SGCZ: variants seen among roughly 807,000 people sequenced by gnomAD.
SGCZ encodes the protein zeta-sarcoglycan.
A neutral mutation model predicts 41.3 loss-of-function variants in SGCZ; 40 were observed. That is an observed-to-expected ratio of 0.97 (90% CI 0.75 to 1.26). SGCZ has a LOEUF of 1.26. SGCZ is among the 50% of genes most tolerant of loss of function. SGCZ has a pLI of 0.00. For synonymous variants in SGCZ, 206 were observed against 137.5 expected (o/e 1.50, Z -3.49); for missense variants, 552 against 369.8 (o/e 1.49, Z -4.04).
chr8:14,486,334 T>C (rs1286795205), intron 2 of SGCZ, among the ~76,000 whole-genome samples: 2 of 152,136 alleles, frequency 1.3e-5, no homozygotes, highest in African/African-American at 4.8e-5. Flanking sequence ...TACGGGTGTC[T>C]GGGAGAAGAA....
At chr8:14,156,432 G>A (rs1322370846) in intron 5 of SGCZ, among the ~76,000 whole-genome samples, 3 of 152,120 alleles carry the variant, frequency 2.0e-5, no homozygotes, top group African/African-American at 7.2e-5. Flanking sequence ...CTTCACTCCA[G>A]CCTGGGTGAC....
At chr8:14,267,087 G>A (rs1247386480) in intron 3 of SGCZ, among the ~76,000 whole-genome samples, 1 of 151,884 alleles carries the variant, frequency 6.6e-6, no homozygotes, top group African/African-American at 2.4e-5. Context: ...TATTTAATTT[G>A]GAATATAATG....
intron 2 of SGCZ, among the ~76,000 whole-genome samples, chr8:14,531,422 A>G (rs1374806245): frequency 6.6e-6 from 1 of 151,918 alleles, no homozygotes; most frequent in African/African-American, 2.4e-5. Flanking sequence ...CGGGAATGAA[A>G]AACCTGTAAC....
At chr8:14,944,604 A>G (rs1288952384) in intron 1 of SGCZ, among the ~76,000 whole-genome samples, 1 of 152,234 alleles carries the variant, frequency 6.6e-6, no homozygotes, top group Non-Finnish European at 1.5e-5. Flanking sequence ...CCAATAGATT[A>G]TATGGGTCAG....
chr8:14,476,459 T>G (rs1310230375), intron 2 of SGCZ, among the ~76,000 whole-genome samples: 2 of 151,994 alleles, frequency 1.3e-5, no homozygotes, highest in Admixed American at 6.6e-5. Context: ...TATATATGTA[T>G]GCATGTATAT....
chr8:14,833,789 A>G (rs1563302427), intron 1 of SGCZ, among the ~76,000 whole-genome samples: 1 of 151,074 alleles, frequency 6.6e-6, no homozygotes, highest in Non-Finnish European at 1.5e-5. Flanking sequence ...ATCTTGGAAG[A>G]AAGAAGAAAT....
chr8:14,934,290 G>A (rs1585391805), intron 1 of SGCZ, among the ~76,000 whole-genome samples: 1 of 151,666 alleles, frequency 6.6e-6, no homozygotes, highest in South Asian at 2.1e-4. Flanking sequence ...TTAAGTACTG[G>A]GACTACTGTA....
chr8:14,801,747 G>C (rs1273289599), intron 1 of SGCZ, among the ~76,000 whole-genome samples: 2 of 152,168 alleles, frequency 1.3e-5, no homozygotes, highest in Admixed American at 1.3e-4. Flanking sequence ...ATTAAGAAAT[G>C]ACTGAAATGA....
chr8:14,694,791 G>A (rs1166050533), intron 1 of SGCZ, among the ~76,000 whole-genome samples: 2 of 152,058 alleles, frequency 1.3e-5, no homozygotes, highest in Non-Finnish European at 2.9e-5. Context: ...ATTTCTAAAA[G>A]TCTCACTTAA....
intron 5 of SGCZ, among the ~76,000 whole-genome samples, chr8:14,128,189 C>G (rs1802924296): frequency 1.3e-5 from 2 of 152,048 alleles, no homozygotes; most frequent in African/African-American, 2.4e-5. Context: ...ATTCTACCAC[C>G]ATTAAAAAAT....
intron 4 of SGCZ, among the ~76,000 whole-genome samples, chr8:14,214,828 G>A (rs1585239424): frequency 6.6e-6 from 1 of 152,128 alleles, no homozygotes; most frequent in East Asian, 1.9e-4. Flanking sequence ...GAAATCATAA[G>A]CAGGTATGCA....
At chr8:15,183,778 A>C (rs1041905075) in intron 1 of SGCZ, among the ~76,000 whole-genome samples, 19 of 152,238 alleles carry the variant, frequency 1.2e-4, no homozygotes, top group Non-Finnish European at 2.8e-4. Context: ...AAAGATAGCT[A>C]GCATTACTGG....
At chr8:14,271,003 C>T (rs1316873261) in intron 3 of SGCZ, among the ~76,000 whole-genome samples, 5 of 151,992 alleles carry the variant, frequency 3.3e-5, no homozygotes, top group African/African-American at 7.3e-5. Context: ...ACAGTGAGAA[C>T]GCAAGGACAC....
intron 1 of SGCZ, among the ~76,000 whole-genome samples, chr8:14,714,775 T>G (rs1323726692): frequency 6.6e-6 from 1 of 152,138 alleles, no homozygotes; most frequent in African/African-American, 2.4e-5. Flanking sequence ...GCTATATATT[T>G]AAGAACAATG....
At chr8:14,463,206 G>A (rs1013007546) in intron 2 of SGCZ, among the ~76,000 whole-genome samples, 8 of 150,614 alleles carry the variant, frequency 5.3e-5, no homozygotes, top group African/African-American at 1.9e-4. Context: ...CTAATATTAT[G>A]TTGAATAATA....
chr8:15,060,362 C>G (rs146389423), intron 1 of SGCZ, among the ~76,000 whole-genome samples: 12,202 of 151,798 alleles, frequency 0.08, 760 homozygotes, highest in African/African-American at 0.17. Context: ...AGTTCATGTC[C>G]TTTGTAGGGA....
chr8:14,975,869 A>G (rs1370686541), intron 1 of SGCZ, among the ~76,000 whole-genome samples: 2 of 116,648 alleles, frequency 1.7e-5, no homozygotes, highest in African/African-American at 7.7e-5. Flanking sequence ...ATCAAGAAAA[A>G]TTTTACACAC....
intron 2 of SGCZ, among the ~76,000 whole-genome samples, chr8:14,508,893 T>C (rs919806725): frequency 1.3e-5 from 2 of 152,170 alleles, no homozygotes; most frequent in Non-Finnish European, 2.9e-5. Flanking sequence ...TAGGATTAAC[T>C]AAATGATAAT....
chr8:14,219,052 G>A (rs550824389), intron 4 of SGCZ, among the ~76,000 whole-genome samples: 129 of 152,286 alleles, frequency 8.5e-4, no homozygotes, highest in African/African-American at 2.9e-3. Flanking sequence ...CATGTGCTCA[G>A]CAAAAATTAA....
Sources: gnomAD v4.1 joint callset for allele counts (sites outside exome capture counted in the v4.1 genomes callset) on GRCh38, gnomAD v4.1.1 for gene constraint, MANE v1.5 for transcripts, NCBI Gene and HGNC (gene_info 2026-07-23, HGNC 2026-07-21) for gene names.